PREX1: variants seen among roughly 807,000 people sequenced by gnomAD.
The protein encoded by PREX1 is phosphatidylinositol 3,4,5-trisphosphate-dependent Rac exchanger 1 protein.
A neutral mutation model predicts 198.3 loss-of-function variants in PREX1; 41 were observed. That is an observed-to-expected ratio of 0.21 (90% CI 0.16 to 0.27). The LOEUF (loss-of-function observed/expected upper bound fraction) is 0.27, where lower values mean the gene tolerates loss of function less well. Ranked by LOEUF, PREX1 falls within the 10% of genes least tolerant of loss-of-function variation. PREX1 has a pLI of 1.00. For missense variants in PREX1, 1,620 were observed against 2,200.7 expected (o/e 0.74, Z 5.28); for synonymous variants, 843 against 887.2 (o/e 0.95, Z 0.89).
intron 33 of PREX1, among the ~76,000 whole-genome samples, chr20:48,634,171 G>C (rs922833314): frequency 1.1e-5 from 1 of 88,168 alleles, no homozygotes; most frequent in East Asian, 3.4e-4. Context: ...TGGATGGATG[G>C]ATGCATGGAT....
chr20:48,668,155 G>C (rs1356770349), intron 14 of PREX1, among the ~76,000 whole-genome samples: 1 of 152,166 alleles, frequency 6.6e-6, no homozygotes, highest in East Asian at 1.9e-4. Context: ...ACGTGTGTGT[G>C]TGTGTGCGTG....
rs758352753 is a variant in PREX1, at chr20:48,627,941, C to G, written c.4789G>C (p.Glu1597Gln). 3.1e-6 allele frequency: 5 copies of G among 1,611,772 alleles called. No individual in the cohort carries two copies. The South Asian group carries it at 5.5e-5, about 18-fold the overall frequency. ...MQRSTLSVSL[E>Q]QAAILARSHG... ...CTCCGTGCCAAGATGGCCGCCTGCTCCAGGGACACGCTCAGGGTGCTCCTG... is the reference window on the plus strand; with the variant it reads ...CTCCGTGCCAAGATGGCCGCCTGCTGCAGGGACACGCTCAGGGTGCTCCTG... Residue 1597 changes from glutamate (E) to glutamine (Q), a missense_variant, in exon 38 of 40, where the codon GAG becomes CAG. By Grantham distance (29) the Glu-to-Gln change is conservative. Coordinates refer to ENST00000371941, the MANE Select transcript of PREX1 (RefSeq NM_020820.4).
chr20:48,632,675 G>GGGGGC, intron 33 of PREX1, 36 bp from the exon 34 acceptor site: 1 of 1,610,922 alleles, frequency 6.2e-7, no homozygotes, highest in East Asian at 2.2e-5. Flanking sequence ...ACTCACCACC[G>GGGGGC]AGGCCAAGGC....
chr20:48,805,636 G>C (rs2090408653), intron 1 of PREX1, among the ~76,000 whole-genome samples: 1 of 152,172 alleles, frequency 6.6e-6, no homozygotes, highest in South Asian at 2.1e-4. Flanking sequence ...CTCAGCACCG[G>C]GGGCTCCCTT....
intron 14 of PREX1, among the ~76,000 whole-genome samples, chr20:48,672,743 T>A (rs1034743440): frequency 6.6e-6 from 1 of 152,128 alleles, no homozygotes; most frequent in African/African-American, 2.4e-5. Context: ...TGCTCAAATG[T>A]CCCTCCTCAG....
intron 1 of PREX1, among the ~76,000 whole-genome samples, chr20:48,768,584 A>T (rs2090219767): frequency 6.6e-6 from 1 of 152,270 alleles, no homozygotes. Flanking sequence ...ACTTGAGTTC[A>T]GGAGTTCGAG....
intron 20 of PREX1, 21 bp from the exon 21 acceptor site, chr20:48,652,727 G>C (rs779724034): frequency 6.2e-7 from 1 of 1,607,028 alleles, no homozygotes; most frequent in Admixed American, 1.7e-5. Context: ...CCAGAGTAAG[G>C]GGACAGCCAT....
At chr20:48,810,763 T>G (rs2090430450) in intron 1 of PREX1, among the ~76,000 whole-genome samples, 1 of 151,630 alleles carries the variant, frequency 6.6e-6, no homozygotes. Context: ...GGTGCACACC[T>G]GTAGTCCCAG....
At chr20:48,700,591 C>T (rs1200190829) in intron 7 of PREX1, among the ~76,000 whole-genome samples, 162 bp downstream of exon 7, 1 of 152,090 alleles carries the variant, frequency 6.6e-6, no homozygotes, top group African/African-American at 2.4e-5. Flanking sequence ...GAACATTTAA[C>T]ATAACACGTG....
intron 25 of PREX1, 152 bp from the exon 26 acceptor site, chr20:48,646,209 G>T: frequency 1.3e-6 from 1 of 744,562 alleles, no homozygotes; most frequent in Middle Eastern, 3.3e-4. Context: ...GCTACACAAG[G>T]CTCTACCAGA....
intron 16 of PREX1, 50 bp from the exon 17 acceptor site, chr20:48,658,278 C>T (rs753767397): frequency 8.2e-6 from 13 of 1,582,480 alleles, no homozygotes; most frequent in East Asian, 6.7e-5. Context: ...GGTGGGCCTA[C>T]GGCCAGCCCC....
upstream of PREX1, among the ~76,000 whole-genome samples, chr20:48,830,579 T>G (rs2090535111): frequency 6.6e-6 from 1 of 152,204 alleles, no homozygotes; most frequent in East Asian, 1.9e-4. Flanking sequence ...TGGCCCACAC[T>G]GCCAAAAAAC....
chr20:48,801,889 T>C (rs1471638016), intron 1 of PREX1, among the ~76,000 whole-genome samples: 5 of 151,848 alleles, frequency 3.3e-5, no homozygotes, highest in African/African-American at 1.2e-4. Flanking sequence ...TCCCCAAGAG[T>C]GGGTTGTTAT....
chr20:48,799,094 G>A (rs946463737), intron 1 of PREX1, among the ~76,000 whole-genome samples: 2 of 152,154 alleles, frequency 1.3e-5, no homozygotes, highest in Non-Finnish European at 2.9e-5. Context: ...ACGTTGGCCA[G>A]ACTGGTCTTG....
intron 1 of PREX1, among the ~76,000 whole-genome samples, chr20:48,767,111 C>T (rs1415864515): frequency 1.3e-5 from 2 of 152,234 alleles, no homozygotes; most frequent in African/African-American, 2.4e-5. Flanking sequence ...ACTCTGTTCC[C>T]TCGTCCGCGA....
the PREX1 span, among the ~76,000 whole-genome samples, chr20:48,853,096 T>C: frequency 6.6e-6 from 1 of 152,230 alleles, no homozygotes; most frequent in Non-Finnish European, 1.5e-5. Flanking sequence ...CATTTTACTG[T>C]ACCCATTTGA....
intron 30 of PREX1, among the ~76,000 whole-genome samples, chr20:48,637,962 G>A (rs2089378150): frequency 6.6e-6 from 1 of 152,136 alleles, no homozygotes; most frequent in African/African-American, 2.4e-5. Flanking sequence ...AACCCCAACT[G>A]TGAGCCCCAT....
the PREX1 span, among the ~76,000 whole-genome samples, chr20:48,877,491 C>T: frequency 1.3e-5 from 2 of 152,074 alleles, no homozygotes; most frequent in Admixed American, 1.3e-4. Flanking sequence ...AGCTTAGCAA[C>T]ACCAGTTGGG....
At chr20:48,804,462 T>C (rs985963263) in intron 1 of PREX1, among the ~76,000 whole-genome samples, 1 of 152,130 alleles carries the variant, frequency 6.6e-6, no homozygotes, top group Non-Finnish European at 1.5e-5. Flanking sequence ...ACCTGGAGAA[T>C]GTTCCCGACC....
Sources: allele counts gnomAD v4.1 joint callset (sites outside exome capture counted in the v4.1 genomes callset), GRCh38; gene constraint gnomAD v4.1.1; transcripts MANE v1.5; gene names NCBI Gene and HGNC (gene_info 2026-07-23, HGNC 2026-07-21).